Variants in MRC1 observed in about 807,000 individuals in gnomAD.
MRC1 encodes the protein macrophage mannose receptor 1.
In MRC1, 62 loss-of-function variants were observed where a neutral mutation model predicts 102.9. The ratio of observed to expected loss-of-function variants is 0.60; its 90% CI spans 0.49 to 0.74. The LOEUF is 0.74. Among genes scored for constraint, MRC1 ranks in the 30% least tolerant of loss-of-function variants. The pLI is 0.00. For missense variants in MRC1, 1,237 were observed against 862.8 expected (o/e 1.43, Z -5.43); for synonymous variants, 457 against 298.4 (o/e 1.53, Z -5.48).
chr10:17,813,141 G>A (rs1838251182), intron 1 of MRC1, among the ~76,000 whole-genome samples: 1 of 152,196 alleles, frequency 6.6e-6, no homozygotes, highest in Middle Eastern at 3.2e-3. Context: ...TCCAGAAGGT[G>A]ACTGTTTAGC....
intron 12 of MRC1, among the ~76,000 whole-genome samples, chr10:17,869,202 A>G (rs1355947094): frequency 6.6e-6 from 1 of 152,218 alleles, no homozygotes; most frequent in South Asian, 2.1e-4. Context: ...ACCTTTATAA[A>G]GATTAAGATG....
intron 3 of MRC1, among the ~76,000 whole-genome samples, chr10:17,833,249 A>T (rs1394701968): frequency 6.6e-6 from 1 of 152,154 alleles, no homozygotes; most frequent in African/African-American, 2.4e-5. Context: ...GTCCGGGCAT[A>T]GTAGCTCACC....
At chr10:17,849,823 C>T (rs1838887022) in intron 7 of MRC1, 59 bp downstream of exon 7, 2 of 693,642 alleles carry the variant, frequency 2.9e-6, no homozygotes, top group African/African-American at 1.8e-5. Context: ...CCCCTTTCTA[C>T]CCAACTCTGG....
intron 1 of MRC1, among the ~76,000 whole-genome samples, chr10:17,815,477 A>C (rs951828975): frequency 6.6e-6 from 1 of 152,150 alleles, no homozygotes; most frequent in Non-Finnish European, 1.5e-5. Flanking sequence ...GAGTGAGAGC[A>C]GAAACTAGCT....
At chr10:17,855,235 C>G (rs1833068877) in intron 8 of MRC1, among the ~76,000 whole-genome samples, 1 of 152,046 alleles carries the variant, frequency 6.6e-6, no homozygotes, top group African/African-American at 2.4e-5. Flanking sequence ...CGTATATGAA[C>G]TTGATTAATT....
intron 1 of MRC1, among the ~76,000 whole-genome samples, chr10:17,822,086 G>A (rs1838404456): frequency 6.6e-6 from 1 of 151,588 alleles, no homozygotes; most frequent in African/African-American, 2.4e-5. Flanking sequence ...TTCCTCTTTT[G>A]CAAGAGGAAG....
intron 13 of MRC1, among the ~76,000 whole-genome samples, chr10:17,870,623 A>G (rs944777561): frequency 5.9e-5 from 9 of 152,310 alleles, no homozygotes; most frequent in South Asian, 2.1e-4. Flanking sequence ...TTTCAATACG[A>G]TACCATTATT....
intron 22 of MRC1, among the ~76,000 whole-genome samples, chr10:17,887,813 TA>T (rs1439749014): frequency 6.6e-6 from 1 of 152,216 alleles, no homozygotes; most frequent in African/African-American, 2.4e-5. Flanking sequence ...TATTTTATTT[TA>T]TTTTTTTGAG....
At chr10:17,874,864 T>C (rs1175805067) in intron 16 of MRC1, among the ~76,000 whole-genome samples, 3 of 152,170 alleles carry the variant, frequency 2.0e-5, no homozygotes, top group African/African-American at 4.8e-5. Flanking sequence ...GGAACATAGC[T>C]GGGAATACAA....
chr10:17,888,536 AT>A (rs1589192544), intron 22 of MRC1, among the ~76,000 whole-genome samples: 1 of 152,186 alleles, frequency 6.6e-6, no homozygotes, highest in African/African-American at 2.4e-5. Flanking sequence ...GTGTATTATT[AT>A]TGACTTAACA....
intron 3 of MRC1, among the ~76,000 whole-genome samples, chr10:17,833,048 G>A (rs1838603337): frequency 6.8e-6 from 1 of 147,096 alleles, no homozygotes; most frequent in South Asian, 2.3e-4. Flanking sequence ...AGTATCCAAG[G>A]TCTATTGTCT....
intron 26 of MRC1, among the ~76,000 whole-genome samples, chr10:17,902,927 G>A (rs1229109908): frequency 1.3e-5 from 2 of 151,900 alleles, no homozygotes; most frequent in Non-Finnish European, 2.9e-5. Flanking sequence ...GTACATATTC[G>A]TCTACACTCA....
chr10:17,825,396 C>T (rs1044034158), intron 2 of MRC1, among the ~76,000 whole-genome samples: 2 of 152,082 alleles, frequency 1.3e-5, no homozygotes, highest in African/African-American at 4.8e-5. Context: ...GTTCTTTTGG[C>T]CTCATCAGTG....
At chr10:17,906,038 AC>A (rs1833890367) in intron 26 of MRC1, among the ~76,000 whole-genome samples, 1 of 152,186 alleles carries the variant, frequency 6.6e-6, no homozygotes, top group South Asian at 2.1e-4. Context: ...GTGGGTTGTC[AC>A]TTCCATAGCC....
chr10:17,810,278 T>C (rs1838202814), intron 1 of MRC1, among the ~76,000 whole-genome samples: 3 of 152,230 alleles, frequency 2.0e-5, no homozygotes, highest in Admixed American at 1.3e-4. Context: ...CGGGGGATTT[T>C]CATTCCTGGT....
intron 22 of MRC1, among the ~76,000 whole-genome samples, chr10:17,890,300 G>A (rs1312432882): frequency 1.3e-5 from 2 of 151,942 alleles, no homozygotes; most frequent in African/African-American, 4.8e-5. Context: ...TTTAGATGTT[G>A]TATCTTAGTA....
intron 21 of MRC1, 56 bp downstream of exon 21, chr10:17,881,237 A>G: frequency 2.6e-6 from 2 of 761,112 alleles, no homozygotes; most frequent in Non-Finnish European, 4.9e-6. Context: ...TCTGACTGCA[A>G]AATGGTAAAA....
chr10:17,856,470 C>T (rs2130653220), intron 9 of MRC1, 118 bp downstream of exon 9: 1 of 702,934 alleles, frequency 1.4e-6, no homozygotes. Context: ...TCTGCTGTCT[C>T]AGTCTTCAAT....
intron 2 of MRC1, among the ~76,000 whole-genome samples, chr10:17,825,419 A>T (rs1391524745): frequency 6.6e-6 from 1 of 152,064 alleles, no homozygotes; most frequent in African/African-American, 2.4e-5. Context: ...GGGTGTATAG[A>T]ATGGCTCAGT....
Sources: allele counts gnomAD v4.1 joint callset (sites outside exome capture counted in the v4.1 genomes callset), GRCh38; gene constraint gnomAD v4.1.1; transcripts MANE v1.5; gene names NCBI Gene and HGNC (gene_info 2026-07-23, HGNC 2026-07-21).